The following SUPT3H variants were observed in gnomAD, a reference collection of about 807,000 sequenced individuals.
SUPT3H encodes the protein transcription initiation protein SPT3 homolog.
In SUPT3H, 44 loss-of-function variants were observed where a neutral mutation model predicts 44.3. The observed-to-expected ratio is 0.99, with a 90% confidence interval of 0.78 to 1.28. The LOEUF is 1.28. SUPT3H is among the 50% of genes most tolerant of loss of function. SUPT3H has a pLI of 0.00. For missense variants in SUPT3H, 380 were observed against 387.1 expected, an observed-to-expected ratio of 0.98 and a Z score of 0.15; for synonymous variants, 124 against 125.6, an observed-to-expected ratio of 0.99 and a Z score of 0.09.
chr6:45,280,158 A>C (rs1002766692), intron 2 of SUPT3H, among the ~76,000 whole-genome samples: 10 of 152,130 alleles, frequency 6.6e-5, no homozygotes, highest in African/African-American at 2.2e-4. Context: ...CCACAATCAA[A>C]AACAGGTTCC....
chr6:45,310,881 C>A (rs1205569292), intron 2 of SUPT3H, among the ~76,000 whole-genome samples: 1 of 152,140 alleles, frequency 6.6e-6, no homozygotes. Context: ...CATCAACACC[C>A]CCATAAAATC....
chr6:44,981,314 T>C (rs747996261), intron 6 of SUPT3H, among the ~76,000 whole-genome samples: 9 of 152,200 alleles, frequency 5.9e-5, no homozygotes, highest in Non-Finnish European at 1.0e-4. Flanking sequence ...TTGCTTCACT[T>C]GTTAACAAAA....
intron 3 of SUPT3H, among the ~76,000 whole-genome samples, chr6:45,058,700 A>G (rs1365944809): frequency 3.9e-5 from 6 of 152,090 alleles, no homozygotes; most frequent in Admixed American, 3.9e-4. Context: ...CTCCCTTTCC[A>G]GGTTCATTAT....
At chr6:45,159,170 G>A (rs768306652) in intron 2 of SUPT3H, 1 of 152,056 alleles carries the variant, frequency 6.6e-6, no homozygotes, top group East Asian at 1.9e-4. Flanking sequence ...ATATCCTATT[G>A]AACTGACCAG....
At position 45,365,295 on chromosome 6, in the gene SUPT3H, T is replaced by C. The variant is rs1237145449; in HGVS notation, c.7A>G (p.Asn3Asp). The C allele has an allele frequency of 3.1e-6, 5 of 1,607,074 alleles. No homozygotes were observed. The highest frequency in any genetic ancestry group is 3.4e-6 in the Non-Finnish European group (4 of 1,175,126). Residue 3 changes from asparagine to aspartate, a missense_variant, in exon 2 of 11, where the codon AAT becomes GAT. Asn to Asp is a conservative substitution (Grantham distance 23). Coordinates refer to ENST00000371459, the MANE Select transcript of SUPT3H (RefSeq NM_003599.4). ...GTAGACATTGGACTAGCTGCCGTATTATTCATCTAAATAAAAAGGAGAAAT... is the reference window on the plus strand; with the variant it reads ...GTAGACATTGGACTAGCTGCCGTATCATTCATCTAAATAAAAAGGAGAAAT... MN[N>D]TAASPMSTAT...
rs74776000 is a variant in SUPT3H, at chr6:45,045,009, C to T, written c.187-24377G>A. 2.6e-3 allele frequency among the ~76,000 whole-genome samples: 398 copies of T among 152,074 alleles called. 3 individuals carry two copies. The highest frequency in any genetic ancestry group is 8.7e-3 in the African/African-American group (361 of 41,472). On this transcript the variant is annotated intron_variant, in intron 3 of 10. Coordinates refer to ENST00000371459, the MANE Select transcript of SUPT3H (RefSeq NM_003599.4). Reference sequence around the variant, plus strand: ...CAATTTCATATTGTGGATTATTTCACGAGAGGAAAAAAGAGTGACCAACTC... The same window carrying T: ...CAATTTCATATTGTGGATTATTTCATGAGAGGAAAAAAGAGTGACCAACTC...
intron 2 of SUPT3H, among the ~76,000 whole-genome samples, chr6:45,341,833 C>T (rs1429903304): frequency 6.6e-6 from 1 of 152,100 alleles, no homozygotes; most frequent in Non-Finnish European, 1.5e-5. Context: ...GATAATTCAT[C>T]GCTTTTAGTT....
intron 3 of SUPT3H, among the ~76,000 whole-genome samples, chr6:45,068,834 C>T (rs945892051): frequency 6.6e-6 from 1 of 152,080 alleles, no homozygotes; most frequent in Non-Finnish European, 1.5e-5. Context: ...TTAACCTGGG[C>T]TTTCAAGATC....
intron 6 of SUPT3H, among the ~76,000 whole-genome samples, chr6:44,994,739 TCAATATGA>T (rs1437351646): frequency 6.6e-6 from 1 of 152,132 alleles, no homozygotes; most frequent in East Asian, 1.9e-4. Context: ...AAATAAATAT[TCAATATGA>T]CCTGAAGATT....
intron 3 of SUPT3H, among the ~76,000 whole-genome samples, chr6:45,099,900 AT>A (rs1213918763): frequency 7.2e-5 from 11 of 152,186 alleles, no homozygotes; most frequent in African/African-American, 2.4e-4. Context: ...CCATTTACAT[AT>A]CATTTTAGAT....
At chr6:45,215,407 AAT>A (rs1249043860) in intron 2 of SUPT3H, among the ~76,000 whole-genome samples, 1 of 152,200 alleles carries the variant, frequency 6.6e-6, no homozygotes. Flanking sequence ...TACAAAACTC[AAT>A]GAGATACAAG....
chr6:45,130,533 C>G (rs924121000), intron 2 of SUPT3H, among the ~76,000 whole-genome samples: 9 of 151,930 alleles, frequency 5.9e-5, no homozygotes, highest in Admixed American at 3.3e-4. Context: ...AGCTCTGTAG[C>G]TGCTGGGATG....
rs1768110782 is a variant in SUPT3H, at chr6:44,828,868, A to C, written c.*948T>G. ...ACTTTCTTTTTTGCAACTGAAGTTT[A>C]ATCAGGAACTGTACAATTACATCTG... is the stretch of plus-strand genomic sequence containing the variant. On this transcript the variant is annotated 3_prime_UTR_variant, in exon 11 of 11. Transcript: ENST00000371459. The C allele has an allele frequency of 6.6e-6, 1 of 152,648 alleles. No individual in the cohort carries two copies. Among genetic ancestry groups the C allele is most frequent in the Non-Finnish European group, 1.5e-5 (1 of 68,034 alleles). 9.5% of individuals were successfully genotyped at this position (152,648 alleles called of 1,614,324 possible). A position where few individuals can be genotyped will look rare whatever the true frequency, so the allele number is the denominator to read the frequency against.
intron 2 of SUPT3H, among the ~76,000 whole-genome samples, chr6:45,241,502 T>G (rs533153265): frequency 6.6e-6 from 1 of 152,322 alleles, no homozygotes; most frequent in South Asian, 2.1e-4. Context: ...AGGAATACTT[T>G]TAATCTATAA....
At chr6:45,201,989 T>C (rs1455893763) in intron 2 of SUPT3H, among the ~76,000 whole-genome samples, 1 of 151,952 alleles carries the variant, frequency 6.6e-6, no homozygotes, top group Non-Finnish European at 1.5e-5. Context: ...CTAATCAACA[T>C]TTTACATCTG....
At chr6:45,168,102 C>T (rs773464122) in intron 2 of SUPT3H, among the ~76,000 whole-genome samples, 25 of 152,086 alleles carry the variant, frequency 1.6e-4, no homozygotes, top group Non-Finnish European at 2.9e-4. Flanking sequence ...TGAGCCACCG[C>T]GCCTGGCAAA....
chr6:44,956,167 A>G (rs1775129017), intron 7 of SUPT3H, among the ~76,000 whole-genome samples: 1 of 148,814 alleles, frequency 6.7e-6, no homozygotes, highest in South Asian at 2.1e-4. Flanking sequence ...TTCCCCAAAA[A>G]ACCTACTAAA....
chr6:45,338,344 TA>T (rs34686255), intron 2 of SUPT3H, among the ~76,000 whole-genome samples: 50,960 of 147,606 alleles, frequency 0.35, 9,668 homozygotes, highest in Non-Finnish European at 0.43. Context: ...GTAGCTCTCA[TA>T]AAAAAAAAAA....
intron 2 of SUPT3H, among the ~76,000 whole-genome samples, chr6:45,255,720 G>A (rs570612430): frequency 5.9e-5 from 9 of 152,154 alleles, no homozygotes; most frequent in African/African-American, 1.7e-4. Flanking sequence ...ATCAAACCCA[G>A]ACTAGGTAGA....
Sources: gnomAD v4.1 joint callset for allele counts (sites outside exome capture counted in the v4.1 genomes callset) on GRCh38, gnomAD v4.1.1 for gene constraint, MANE v1.5 for transcripts, NCBI Gene and HGNC (gene_info 2026-07-23, HGNC 2026-07-21) for gene names.